Variants in SERPINB3 observed in about 807,000 individuals in gnomAD.
SERPINB3 encodes the protein serpin family B member 3, also known as serpin B3.
In SERPINB3, 33 loss-of-function variants were observed where a neutral mutation model predicts 33.0. The observed-to-expected ratio is 1.00, with a 90% CI of 0.76 to 1.34. SERPINB3 has a LOEUF of 1.34. Ranked by LOEUF, SERPINB3 falls within the 40% of genes most tolerant of loss-of-function variation. The pLI is 0.00. For synonymous variants in SERPINB3, 200 were observed against 170.9 expected, an observed-to-expected ratio of 1.17 and a Z score of -1.33; for missense variants, 518 against 461.5, an observed-to-expected ratio of 1.12 and a Z score of -1.12.
intron 6 of SERPINB3, 69 bp downstream of exon 6, chr18:63,657,201 G>T: frequency 1.1e-6 from 1 of 929,946 alleles, no homozygotes. Flanking sequence ...TACTTGTCAT[G>T]GTACATTCCA....
intron 4 of SERPINB3, among the ~76,000 whole-genome samples, 170 bp from the exon 5 acceptor site, chr18:63,658,800 G>A (rs747676510): frequency 7.2e-5 from 11 of 152,112 alleles, no homozygotes; most frequent in Non-Finnish European, 1.2e-4. Flanking sequence ...ATGCAAAAGC[G>A]GAGTGCGGGC....
intron 3 of SERPINB3, 145 bp from the exon 4 acceptor site, chr18:63,659,672 C>T: frequency 1.9e-6 from 2 of 1,079,062 alleles, no homozygotes; most frequent in Non-Finnish European, 2.7e-6. Flanking sequence ...GTGTATTTCA[C>T]CTCAAATACC....
intron 3 of SERPINB3, 53 bp downstream of exon 3, chr18:63,660,747 A>G: frequency 6.2e-7 from 1 of 1,611,266 alleles, no homozygotes; most frequent in Non-Finnish European, 8.5e-7. Context: ...TCCAGGTTCA[A>G]ACTATGACCT....
rs766008369 is a variant in SERPINB3 at position 63,656,892 on chromosome 18, T to C, written c.707A>G (p.Tyr236Cys). ...DVQAKVLEIPYKGKDLSMIVL... is the reference protein window; with the variant it reads ...DVQAKVLEIPCKGKDLSMIVL... Reference sequence around the variant, plus strand: ...AATCATGCTTAGATCTTTGCCTTTGTATGGTATTTCCAGGACCTTGGCCTG... The same window carrying C: ...AATCATGCTTAGATCTTTGCCTTTGCATGGTATTTCCAGGACCTTGGCCTG... The change falls in exon 7 of 8, where the codon TAC becomes TGC. Residue 236 changes from tyrosine to cysteine, a missense_variant. By Grantham distance (194) the Tyr-to-Cys change is radical (BLOSUM62 -2). Transcript: ENST00000283752. The C allele has an allele frequency of 1.2e-6, 2 of 1,613,618 alleles. No individual in the cohort carries two copies. The highest frequency in any genetic ancestry group is 4.5e-5 in the East Asian group (2 of 44,860).
At chr18:63,658,202 A>T (rs1470142834) in intron 5 of SERPINB3, among the ~76,000 whole-genome samples, 1 of 152,162 alleles carries the variant, frequency 6.6e-6, no homozygotes, top group East Asian at 1.9e-4. Context: ...GTTCTGATTT[A>T]AAGTAAAGGA....
At position 63,655,598 on chromosome 18, in the gene SERPINB3, A is replaced by C; in HGVS notation, c.*59T>G. On this transcript the variant is annotated 3_prime_UTR_variant, in exon 8 of 8. Transcript: ENST00000283752. ...AGAGAATCTGTTGTTGCCAGCAATC[A>C]GTTTACCAGAACATCTGCAGGTGAA... 1.3e-6 allele frequency: 2 copies of C among 1,505,630 alleles called. No homozygotes were observed. Among genetic ancestry groups the C allele is most frequent in the Non-Finnish European group, 1.8e-6 (2 of 1,116,636 alleles). 93.3% of individuals were successfully genotyped at this position (1,505,630 alleles called of 1,614,324 possible).
At chr18:63,661,026 G>C (rs146226385) in intron 2 of SERPINB3, 26 bp downstream of exon 2, 38,749 of 1,612,994 alleles carry the variant, frequency 0.024, 636 homozygotes, top group Non-Finnish European at 0.028. Flanking sequence ...ACTGCAACAG[G>C]ACAACATAAT....
chr18:63,659,611 T>C (rs1467414726), intron 3 of SERPINB3, 84 bp from the exon 4 acceptor site: 1 of 1,574,698 alleles, frequency 6.4e-7, no homozygotes, highest in Non-Finnish European at 8.7e-7. Context: ...GATCAGTCCC[T>C]AATGGCTGGT....
chr18:63,657,514 A>C, intron 5 of SERPINB3, 102 bp from the exon 6 acceptor site: 1 of 999,836 alleles, frequency 1.0e-6, no homozygotes, highest in South Asian at 2.3e-5. Flanking sequence ...TATTGACCCA[A>C]ATCCCTACTT....
At chr18:63,660,765 G>T in intron 3 of SERPINB3, 35 bp downstream of exon 3, 1 of 1,612,810 alleles carries the variant, frequency 6.2e-7, no homozygotes. Flanking sequence ...CCTGTTCGGG[G>T]ATCTAAAGCT....
rs1568169800 is a variant in SERPINB3 at position 63,655,777 on chromosome 18, T to G, written c.1053A>C (p.Gly351=). The G allele has an allele frequency of 6.2e-7, 1 of 1,613,732 alleles. No individual in the cohort carries two copies. The highest frequency in any genetic ancestry group is 1.3e-5 in the African/African-American group (1 of 74,812). The change falls in exon 8 of 8, where the codon GGA becomes GGC. Residue 351 remains glycine, a synonymous_variant. Transcript: ENST00000283752. The part of the protein sequence containing the change: ...AEAAAATAVV[G]FGSSPTSTNE... ...TAGTTGAAGTAGGTGATGATCCGAA[T>G]CCTACTACAGCGGTGGCAGCTGCAG...
At chr18:63,657,745 TC>T (rs1913535607) in intron 5 of SERPINB3, among the ~76,000 whole-genome samples, 1 of 151,940 alleles carries the variant, frequency 6.6e-6, no homozygotes, top group African/African-American at 2.4e-5. Flanking sequence ...CATGTGTCTT[TC>T]CTTTCTCCCT....
At position 63,657,375 on chromosome 18, in the gene SERPINB3, G is replaced by A. The variant is rs1350485817; in HGVS notation, c.507C>T (p.Gly169=). 1 of 1,609,200 alleles carries A rather than the reference G, an allele frequency of 6.2e-7. No individual in the cohort carries two copies. The highest frequency in any genetic ancestry group is 8.5e-7 in the Non-Finnish European group (1 of 1,177,210). Residue 169 remains glycine, a synonymous_variant, in exon 6 of 8, where the codon GGC becomes GGT. Coordinates refer to ENST00000283752, the MANE Select transcript of SERPINB3 (RefSeq NM_006919.3). ...IKNLIPEGNI[G]SNTTLVLVNA... Reference sequence around the variant, plus strand: ...TCACAAGAACCAATGTGGTATTGCTGCCAATATTACCTTCAGGAATTAGGT... The same window carrying A: ...TCACAAGAACCAATGTGGTATTGCTACCAATATTACCTTCAGGAATTAGGT...
intron 3 of SERPINB3, among the ~76,000 whole-genome samples, chr18:63,660,282 G>A (rs1913607226): frequency 6.6e-6 from 1 of 152,048 alleles, no homozygotes; most frequent in African/African-American, 2.4e-5. Context: ...AATATAGTTG[G>A]ACTTGTGCTT....
chr18:63,660,714 C>G, intron 3 of SERPINB3, 86 bp downstream of exon 3: 1 of 1,572,842 alleles, frequency 6.4e-7, no homozygotes, highest in African/African-American at 1.4e-5. Flanking sequence ...CTAAAAATGG[C>G]CTTTTCTTAG....
Position 63,656,920 on chromosome 18 carries a change from C to T in SERPINB3, c.679G>A (p.Val227Ile), listed in dbSNP as rs1913511969. The T allele has an allele frequency of 6.2e-7, 1 of 1,613,474 alleles. No individual in the cohort carries two copies. The highest frequency in any genetic ancestry group is 2.2e-5 in the East Asian group (1 of 44,834). Reference protein sequence around the residue: ...TSFHFASLEDVQAKVLEIPYK... With the variant: ...TSFHFASLEDIQAKVLEIPYK... ...GGTATTTCCAGGACCTTGGCCTGTA[C>T]ATCCTCCAGCGAGGCAAAATGAAAA... Residue 227 changes from valine to isoleucine, a missense_variant, in exon 7 of 8, where the codon GTA becomes ATA. Val to Ile is a conservative substitution (Grantham distance 29). Coordinates refer to ENST00000283752, the MANE Select transcript of SERPINB3 (RefSeq NM_006919.3).
chr18:63,658,750 T>C, intron 4 of SERPINB3, 120 bp from the exon 5 acceptor site: 1 of 741,654 alleles, frequency 1.3e-6, no homozygotes, highest in Non-Finnish European at 2.2e-6. Context: ...ATGCAGTATC[T>C]CCTGTCCATG....
Position 63,656,061 on chromosome 18 carries a change from G to C in SERPINB3, c.769C>G (p.Leu257Val), listed in dbSNP as rs2144491373. The change falls in exon 8 of 8, where the codon CTT becomes GTT. Residue 257 changes from leucine (L) to valine (V), a missense_variant and splice_region_variant. Transcript: ENST00000283752. ...LPNEIDGLQKLEEKLTAEKLM... is the reference protein window; with the variant it reads ...LPNEIDGLQKVEEKLTAEKLM... ...TTCTCAGCAGTGAGTTTCTCTTCAA[G>C]CTATACAAATGGAAAAAAGAAACTG... The C allele has an allele frequency of 6.2e-7, 1 of 1,612,076 alleles. No homozygotes were observed. Among genetic ancestry groups the C allele is most frequent in the African/African-American group, 1.3e-5 (1 of 74,892 alleles).
At chr18:63,659,609 C>A (rs1193323394) in intron 3 of SERPINB3, 82 bp from the exon 4 acceptor site, 19 of 1,582,542 alleles carry the variant, frequency 1.2e-5, no homozygotes, top group Non-Finnish European at 1.6e-5. Context: ...TAGATCAGTC[C>A]CTAATGGCTG....
Sources: allele counts gnomAD v4.1 joint callset (sites outside exome capture counted in the v4.1 genomes callset), GRCh38; gene constraint gnomAD v4.1.1; transcripts MANE v1.5; gene names NCBI Gene and HGNC (gene_info 2026-07-23, HGNC 2026-07-21).